Variants in CFDP1 observed in about 807,000 individuals in gnomAD.
CFDP1 encodes the protein heterochromatin-stabilizing protein CFDP1.
Under a neutral mutation model 40.1 loss-of-function variants are expected in CFDP1, and 31 were observed. That is an observed-to-expected ratio of 0.77 (90% confidence interval 0.58 to 1.04). CFDP1 has a LOEUF of 1.04. Among genes scored for constraint, CFDP1 ranks in the 50% least tolerant of loss-of-function variants. CFDP1 has a pLI of 0.00. For synonymous variants in CFDP1, 167 were observed against 120.0 expected (o/e 1.39, Z -2.56); for missense variants, 423 against 343.4 (o/e 1.23, Z -1.83).
chr16:75,374,619 C>A lies in CFDP1; in HGVS notation c.650+20471G>T, dbSNP rs2078778111. 2.0e-5 allele frequency among the ~76,000 whole-genome samples: 3 copies of A among 151,814 alleles called. No homozygotes were observed. In the East Asian group the frequency reaches 5.8e-4, roughly 29 times the overall value. On this transcript the variant is annotated intron_variant, in intron 5 of 6. Transcript: ENST00000283882. ...ATCAGTTGATCCCCGGAGTTTGAGACCAGCCTGGGCAACATAGTGAGACCC... is the reference window on the plus strand; with the variant it reads ...ATCAGTTGATCCCCGGAGTTTGAGAACAGCCTGGGCAACATAGTGAGACCC...
At chr16:75,431,301 A>C (rs2079411351) in intron 1 of CFDP1, among the ~76,000 whole-genome samples, 1 of 151,902 alleles carries the variant, frequency 6.6e-6, no homozygotes, top group Non-Finnish European at 1.5e-5. Context: ...AAAATACAAA[A>C]AAATCATTCG....
In CFDP1 at chr16:75,415,905, T is replaced by C. The variant is rs187949066; in HGVS notation, c.65-1210A>G. Among the ~76,000 whole-genome samples, 306 of 152,202 alleles carry C rather than the reference T, an allele frequency of 2.0e-3. 1 individual carries two copies. Among genetic ancestry groups the C allele is most frequent in the African/African-American group, 7.2e-3 (301 of 41,542 alleles). ...TCTTGCTCTGTCACCCAGGCTGGAGTGCAGTGGCGCGATCTTGGCTCACTA... is the reference window on the plus strand; with the variant it reads ...TCTTGCTCTGTCACCCAGGCTGGAGCGCAGTGGCGCGATCTTGGCTCACTA... On this transcript the variant is annotated intron_variant, in intron 1 of 6. Transcript: ENST00000283882.
intron 5 of CFDP1, among the ~76,000 whole-genome samples, chr16:75,354,705 T>C (rs1379289888): frequency 6.6e-6 from 1 of 152,172 alleles, no homozygotes; most frequent in African/African-American, 2.4e-5. Flanking sequence ...AAAAGTGCTG[T>C]TTTAAAAGTT....
At chr16:75,309,509 T>C (rs538169279) in intron 5 of CFDP1, among the ~76,000 whole-genome samples, 3 of 151,770 alleles carry the variant, frequency 2.0e-5, no homozygotes, top group African/African-American at 2.4e-5. Context: ...AGAATTCCCT[T>C]GGAGATTTGT....
intron 5 of CFDP1, among the ~76,000 whole-genome samples, chr16:75,378,800 G>C (rs916702750): frequency 3.3e-5 from 5 of 152,076 alleles, no homozygotes; most frequent in African/African-American, 1.2e-4. Flanking sequence ...CAAAGATACT[G>C]GTCTTTCCAA....
At chr16:75,298,442 G>A (rs1392724651) in intron 6 of CFDP1, among the ~76,000 whole-genome samples, 1 of 152,190 alleles carries the variant, frequency 6.6e-6, no homozygotes, top group African/African-American at 2.4e-5. Context: ...GGAAACCTGA[G>A]GCAGTCACTG....
At chr16:75,351,620 G>A (rs1221388866) in intron 5 of CFDP1, among the ~76,000 whole-genome samples, 3 of 152,254 alleles carry the variant, frequency 2.0e-5, no homozygotes, top group Non-Finnish European at 4.4e-5. Context: ...ATACAAATTA[G>A]TTACTATGGA....
At chr16:75,421,168 C>T (rs1186402301) in intron 1 of CFDP1, among the ~76,000 whole-genome samples, 1 of 152,156 alleles carries the variant, frequency 6.6e-6, no homozygotes, top group East Asian at 1.9e-4. Context: ...CCCTCTTCTT[C>T]CTGTGTGCAA....
intron 6 of CFDP1, among the ~76,000 whole-genome samples, chr16:75,303,646 T>A (rs994879105): frequency 6.6e-6 from 1 of 151,978 alleles, no homozygotes; most frequent in Admixed American, 6.6e-5. Context: ...CTGGGCAACA[T>A]AGTGAGACCC....
intron 5 of CFDP1, among the ~76,000 whole-genome samples, chr16:75,366,074 G>C (rs554131506): frequency 6.6e-6 from 1 of 152,224 alleles, no homozygotes; most frequent in Admixed American, 6.5e-5. Flanking sequence ...ATAAAGACCT[G>C]TACACAAAAT....
In CFDP1 at chr16:75,304,590, C is replaced by CA. The variant is rs544243148; in HGVS notation, c.809+433dup. Among the ~76,000 whole-genome samples, 37 of 151,426 alleles carry CA rather than the reference C, an allele frequency of 2.4e-4. No individual in the cohort carries two copies. In the East Asian group the frequency reaches 4.1e-3, roughly 17 times the overall value. The stretch of plus-strand genomic sequence containing the variant: ...CCACCCCAGGCCATAATGACACAGA[C>CA]AAAAAAAAATTCACAATAATGCAAC... On this transcript the variant is annotated intron_variant, in intron 6 of 6. Coordinates refer to ENST00000283882, the MANE Select transcript of CFDP1 (RefSeq NM_006324.3).
intron 5 of CFDP1, among the ~76,000 whole-genome samples, chr16:75,326,696 C>G (rs2078403720): frequency 6.6e-6 from 1 of 152,096 alleles, no homozygotes; most frequent in Non-Finnish European, 1.5e-5. Context: ...AAAAGAAGAG[C>G]CTAAAATCTT....
intron 5 of CFDP1, among the ~76,000 whole-genome samples, chr16:75,307,470 G>GC (rs1371005769): frequency 2.0e-5 from 3 of 151,874 alleles, no homozygotes; most frequent in South Asian, 4.2e-4. Flanking sequence ...GCCCACCTCG[G>GC]CCCCCCAAAG....
chr16:75,342,118 A>G (rs949120514), intron 5 of CFDP1, among the ~76,000 whole-genome samples: 4 of 152,232 alleles, frequency 2.6e-5, no homozygotes, highest in Admixed American at 2.0e-4. Flanking sequence ...AGGCCAGCAC[A>G]TTGCCAAAAA....
intron 5 of CFDP1, among the ~76,000 whole-genome samples, chr16:75,338,186 G>A (rs1016571496): frequency 2.0e-5 from 3 of 152,130 alleles, no homozygotes; most frequent in Non-Finnish European, 2.9e-5. Flanking sequence ...AGCAATGATG[G>A]GTTACAAAAG....
intron 5 of CFDP1, among the ~76,000 whole-genome samples, chr16:75,363,249 T>TA (rs1385066482): frequency 2.0e-5 from 3 of 148,858 alleles, no homozygotes; most frequent in African/African-American, 7.4e-5. Flanking sequence ...TAAAAAGACT[T>TA]AATGTATGAA....
chr16:75,308,543 C>A (rs2078273231), intron 5 of CFDP1, among the ~76,000 whole-genome samples: 1 of 152,192 alleles, frequency 6.6e-6, no homozygotes, highest in Non-Finnish European at 1.5e-5. Flanking sequence ...GTTCTGTGAA[C>A]AGTGAGCACT....
intron 1 of CFDP1, among the ~76,000 whole-genome samples, chr16:75,431,056 G>A (rs2079407854): frequency 6.6e-6 from 1 of 152,076 alleles, no homozygotes; most frequent in Non-Finnish European, 1.5e-5. Flanking sequence ...ACAAAAAATG[G>A]CAATTATTAG....
Position 75,433,293 on chromosome 16 carries a change from C to T in CFDP1, c.60G>A (p.Pro20=), listed in dbSNP as rs754680010. ...STSEEDEDYV[P]SGGEYSEDDV... ...GCCTCAGGCGGAATCGCTCACCCGACGGCACGTAGTCCTCGTCCTCCTCCG... is the reference window on the plus strand; with the variant it reads ...GCCTCAGGCGGAATCGCTCACCCGATGGCACGTAGTCCTCGTCCTCCTCCG... Residue 20 remains proline, a synonymous_variant, in exon 1 of 7, where the codon CCG becomes CCA. Coordinates refer to ENST00000283882, the MANE Select transcript of CFDP1 (RefSeq NM_006324.3). The T allele has an allele frequency of 3.1e-6, 5 of 1,599,312 alleles. No individual in the cohort carries two copies. Among genetic ancestry groups the T allele is most frequent in the Non-Finnish European group, 3.4e-6 (4 of 1,174,466 alleles).
Sources: gnomAD v4.1 joint callset for allele counts (sites outside exome capture counted in the v4.1 genomes callset) on GRCh38, gnomAD v4.1.1 for gene constraint, MANE v1.5 for transcripts, NCBI Gene and HGNC (gene_info 2026-07-23, HGNC 2026-07-21) for gene names.